Variants in DBF4B observed in about 807,000 individuals in gnomAD.
DBF4B encodes protein DBF4 homolog B.
DBF4B carries 49 observed loss-of-function variants against 53.4 expected under a neutral mutation model. The ratio of observed to expected loss-of-function variants is 0.92; its 90% confidence interval spans 0.73 to 1.16. The LOEUF is 1.16. Among genes scored for constraint, DBF4B ranks in the 50% most tolerant of loss-of-function variants. The pLI is 0.00. For missense variants in DBF4B, 692 were observed against 775.0 expected, an observed-to-expected ratio of 0.89 and a Z score of 1.27; for synonymous variants, 257 against 288.7, an observed-to-expected ratio of 0.89 and a Z score of 1.11.
At chr17:44,747,219 C>G in intron 11 of DBF4B, 28 bp downstream of exon 11, 2 of 1,611,188 alleles carry the variant, frequency 1.2e-6, no homozygotes, top group Non-Finnish European at 1.7e-6. Flanking sequence ...TAAGCAGCTG[C>G]TCCCAGAGTG....
In DBF4B at chr17:44,751,084, C is replaced by T. The variant is rs576506120; in HGVS notation, c.1679C>T (p.Ser560Leu). Residue 560 changes from serine to leucine, a missense_variant, in exon 14 of 14, where the codon TCA becomes TTA. Ser to Leu is a moderately radical substitution (Grantham distance 145). Transcript: ENST00000315005. ...CTGTGGTGCCGGGTTCGGGTGCCCT[C>T]ATTGTCAACTGCAGGACCCATTCCC... The part of the protein sequence containing the change: ...QSLWCRVRVP[S>L]LSTAGPIPRT... The T allele has an allele frequency of 4.0e-5, 65 of 1,614,070 alleles. No homozygotes were observed. The South Asian group carries it at 5.6e-4, about 14-fold the overall frequency.
chr17:44,708,946 C>T, intron 1 of DBF4B, 107 bp downstream of exon 1: 1 of 1,468,986 alleles, frequency 6.8e-7, no homozygotes, highest in South Asian at 1.3e-5. Context: ...CGGGTAGGTG[C>T]CGAAGCTGAG....
chr17:44,745,757 A>G (rs1056034216), intron 10 of DBF4B, among the ~76,000 whole-genome samples: 1 of 152,236 alleles, frequency 6.6e-6, no homozygotes, highest in Non-Finnish European at 1.5e-5. Context: ...TTAAAGTTGT[A>G]TATAGCTGAA....
In DBF4B at chr17:44,708,761, G is replaced by C; in HGVS notation, c.-60G>C. On this transcript the variant is annotated 5_prime_UTR_variant, in exon 1 of 14. Coordinates refer to ENST00000315005, the MANE Select transcript of DBF4B (RefSeq NM_145663.3). ...ATCGGGAAGAGCTCATGGAGCTCGC[G>C]AATGTAATACGGAGGCCTCTGAGGA... The C allele has an allele frequency of 6.5e-7, 1 of 1,540,726 alleles. No homozygotes were observed. The highest frequency in any genetic ancestry group is 8.8e-7 in the Non-Finnish European group (1 of 1,140,234).
At chr17:44,723,163 G>A (rs1048200274) in intron 3 of DBF4B, 141 bp downstream of exon 3, 1 of 1,198,810 alleles carries the variant, frequency 8.3e-7, no homozygotes, top group Non-Finnish European at 1.1e-6. Context: ...CTGGAGTGCA[G>A]TGGCATGATC....
chr17:44,709,404 A>G, intron 2 of DBF4B, 38 bp downstream of exon 2: 1 of 1,612,482 alleles, frequency 6.2e-7, no homozygotes, highest in Non-Finnish European at 8.5e-7. Flanking sequence ...TGAGGTGAAA[A>G]TTGCCCCAGG....
At chr17:44,715,775 T>C (rs896598997) in intron 2 of DBF4B, among the ~76,000 whole-genome samples, 1 of 150,916 alleles carries the variant, frequency 6.6e-6, no homozygotes, top group African/African-American at 2.4e-5. Context: ...TTTCCTCTTC[T>C]TTTTTCTGTT....
Position 44,734,112 on chromosome 17 carries a change from G to C in DBF4B, c.579G>C (p.Gln193His). ...CAGAAATGATGATGCACGTGCAACA[G>C]CTGTCTCTTGCGTCTTTATGTGTGA... is the stretch of plus-strand genomic sequence containing the variant. ...HVDEMMMHVQ[Q>H]LSLASLCVKK... Residue 193 changes from glutamine (Q) to histidine (H), a missense_variant, in exon 7 of 14, where the codon CAG becomes CAC. Gln to His is a conservative substitution (Grantham distance 24). Coordinates refer to ENST00000315005, the MANE Select transcript of DBF4B (RefSeq NM_145663.3). 6.2e-7 allele frequency: 1 copy of C among 1,614,180 alleles called. No individual in the cohort carries two copies. Among genetic ancestry groups the C allele is most frequent in the East Asian group, 2.2e-5 (1 of 44,886 alleles).
At chr17:44,738,462 G>C (rs1975680619) in intron 9 of DBF4B, 38 bp downstream of exon 9, 3 of 1,606,062 alleles carry the variant, frequency 1.9e-6, no homozygotes, top group Non-Finnish European at 2.6e-6. Flanking sequence ...CCCCAGCTAG[G>C]CCTGCACAGA....
At chr17:44,720,564 T>C (rs533498468) in intron 2 of DBF4B, 1 of 162,306 alleles carries the variant, frequency 6.2e-6, no homozygotes, top group South Asian at 1.6e-4. Context: ...TTCTTCTCTT[T>C]AGTATCTGGC....
chr17:44,731,473 C>T (rs541125337), intron 5 of DBF4B: 44 of 197,448 alleles, frequency 2.2e-4, no homozygotes, highest in African/African-American at 9.8e-4. Context: ...TGTGGTGGCA[C>T]GCACCTGTAG....
chr17:44,717,681 C>G (rs1426589896), intron 2 of DBF4B, among the ~76,000 whole-genome samples: 1 of 147,926 alleles, frequency 6.8e-6, no homozygotes, highest in Non-Finnish European at 1.5e-5. Flanking sequence ...TGCACTCTAG[C>G]CTGGGTACAA....
At chr17:44,727,973 C>A (rs1008950628) in intron 3 of DBF4B, among the ~76,000 whole-genome samples, 1 of 151,324 alleles carries the variant, frequency 6.6e-6, no homozygotes, top group Non-Finnish European at 1.5e-5. Context: ...CTGCCTTGGC[C>A]TCCCAAAGTG....
At chr17:44,736,758 G>A in intron 7 of DBF4B, 72 bp from the exon 8 acceptor site, 1 of 1,553,618 alleles carries the variant, frequency 6.4e-7, no homozygotes, top group Non-Finnish European at 8.9e-7. Context: ...GCAGCCACTT[G>A]GCTTATCAGG....
At position 44,708,808 on chromosome 17, in the gene DBF4B, G is replaced by T. The variant is rs945643148; in HGVS notation, c.-13G>T. ...AGGAAGGAGTACGGAGGCCGAGAAG[G>T]AGCCGGCATTTGATGAGCGAACCGG... On this transcript the variant is annotated 5_prime_UTR_variant, in exon 1 of 14. Coordinates refer to ENST00000315005, the MANE Select transcript of DBF4B (RefSeq NM_145663.3). 3 of 1,551,384 alleles carry T rather than the reference G, an allele frequency of 1.9e-6. No individual in the cohort carries two copies. The highest frequency in any genetic ancestry group is 2.0e-5 in the Admixed American group (1 of 50,914).
chr17:44,732,290 G>A, intron 6 of DBF4B, 25 bp downstream of exon 6: 1 of 1,612,170 alleles, frequency 6.2e-7, no homozygotes, highest in Non-Finnish European at 8.5e-7. Context: ...CTGGGCTCCT[G>A]TGGAGGGAGA....
chr17:44,725,608 A>G (rs979014558), intron 3 of DBF4B, among the ~76,000 whole-genome samples: 4 of 148,988 alleles, frequency 2.7e-5, no homozygotes, highest in Non-Finnish European at 4.4e-5. Flanking sequence ...GCAACTCCCT[A>G]TATCCTTGAT....
rs766183404 is a variant in DBF4B, at chr17:44,729,385, T to A, written c.226-520T>A. The stretch of plus-strand genomic sequence containing the variant: ...CCCAGCTAATTAAAAAAAAAAAAAA[T>A]TTTAGAGACAGGATCTTACTATGTT... On this transcript the variant is annotated intron_variant, in intron 3 of 13. Coordinates refer to ENST00000315005, the MANE Select transcript of DBF4B (RefSeq NM_145663.3). Among the ~76,000 whole-genome samples, 644 of 150,892 alleles carry A rather than the reference T, an allele frequency of 4.3e-3. 1 individual carries two copies. The highest frequency in any genetic ancestry group is 7.3e-3 in the Non-Finnish European group (492 of 67,660).
At chr17:44,718,496 A>G (rs1211207700) in intron 2 of DBF4B, among the ~76,000 whole-genome samples, 1 of 151,150 alleles carries the variant, frequency 6.6e-6, no homozygotes, top group Non-Finnish European at 1.5e-5. Flanking sequence ...GGAGGTCCTC[A>G]TTCTTTCTTT....
Sources: gnomAD v4.1 joint callset for allele counts (sites outside exome capture counted in the v4.1 genomes callset) on GRCh38, gnomAD v4.1.1 for gene constraint, MANE v1.5 for transcripts, NCBI Gene and HGNC (gene_info 2026-07-23, HGNC 2026-07-21) for gene names.